SGTA: variants seen among roughly 807,000 people sequenced by gnomAD.
The protein encoded by SGTA is small glutamine rich tetratricopeptide repeat co-chaperone alpha.
In SGTA, 22 loss-of-function variants were observed where a neutral mutation model predicts 44.3. That is an observed-to-expected ratio of 0.50 (90% CI 0.36 to 0.71). The LOEUF (loss-of-function observed/expected upper bound fraction) is 0.71. Ranked by LOEUF, SGTA falls within the 30% of genes least tolerant of loss-of-function variation. The pLI is 0.00. For missense variants in SGTA, 341 were observed against 435.9 expected, an observed-to-expected ratio of 0.78 and a Z score of 1.94; for synonymous variants, 174 against 177.6, an observed-to-expected ratio of 0.98 and a Z score of 0.16.
chr19:2,759,575 C>CTG (rs1599496674), intron 8 of SGTA: 2 of 465,734 alleles, frequency 4.3e-6, no homozygotes, highest in East Asian at 7.5e-5. Context: ...TGCGGTTTTG[C>CTG]TGTGTGGAGG....
rs76251336 is a variant in SGTA at position 2,775,528 on chromosome 19, C to T, written c.-23-6437G>A. On this transcript the variant is annotated intron_variant, in intron 1 of 11. Transcript: ENST00000221566. Reference sequence around the variant, plus strand: ...TTTCCCTTTCAGGGAAAGCAACATCCATCAGCAATCATTAAAAAACAAAAC... The same window carrying T: ...TTTCCCTTTCAGGGAAAGCAACATCTATCAGCAATCATTAAAAAACAAAAC... Among the ~76,000 whole-genome samples, 618 of 152,348 alleles carry T rather than the reference C, an allele frequency of 4.1e-3. 8 individuals carry two copies. The highest frequency in any genetic ancestry group is 4.7e-3 in the Non-Finnish European group (323 of 68,050).
rs545275765 is a variant in SGTA, at chr19:2,766,072, C to T, written c.293-787G>A. On this transcript the variant is annotated intron_variant, in intron 4 of 11. Transcript: ENST00000221566. ...CTCTACTAGAAATACAAAAATTAGC[C>T]GGGCGTGGTGGTAGGCTTCTGTAGT... 3.9e-5 allele frequency among the ~76,000 whole-genome samples: 6 copies of T among 152,214 alleles called. No homozygotes were observed. The East Asian group carries it at 9.7e-4, about 25-fold the overall frequency.
chr19:2,774,533 G>A (rs1255871126), intron 1 of SGTA, among the ~76,000 whole-genome samples: 1 of 152,146 alleles, frequency 6.6e-6, no homozygotes, highest in African/African-American at 2.4e-5. Flanking sequence ...GAGACACGTA[G>A]GTTAACACCC....
chr19:2,774,342 A>T (rs1347585630), intron 1 of SGTA, among the ~76,000 whole-genome samples: 5 of 152,148 alleles, frequency 3.3e-5, no homozygotes, highest in Non-Finnish European at 7.4e-5. Flanking sequence ...CACGGAAGGG[A>T]GCAGTGAAGG....
intron 1 of SGTA, 66 bp from the exon 2 acceptor site, chr19:2,769,157 GC>G: frequency 1.1e-6 from 1 of 931,268 alleles, no homozygotes; most frequent in Non-Finnish European, 1.7e-6. Context: ...CCCCAGGCCT[GC>G]CCCTAACTAG....
In SGTA at chr19:2,765,334, G is replaced by A. The variant is rs756918988; in HGVS notation, c.293-49C>T. On this transcript the variant is annotated intron_variant, in intron 4 of 11. Coordinates refer to ENST00000221566, the MANE Select transcript of SGTA (RefSeq NM_003021.4). The surrounding 1 kb of genome is among the most constrained non-coding windows in gnomAD (Gnocchi z 5.5). ...GGCCCGGTGTCCACACAGACCGGAG[G>A]GGGTGTCAGGGAGAGAGGAAAACAC... 14 of 1,373,624 alleles carry A rather than the reference G, an allele frequency of 1.0e-5. No individual in the cohort carries two copies. The highest frequency in any genetic ancestry group is 2.0e-4 in the Middle Eastern group (1 of 4,926). 85.1% of individuals were successfully genotyped at this position (1,373,624 alleles called of 1,614,324 possible).
intron 4 of SGTA, among the ~76,000 whole-genome samples, chr19:2,766,126 G>A (rs1915136423): frequency 6.6e-6 from 1 of 152,178 alleles, no homozygotes; most frequent in African/African-American, 2.4e-5. Flanking sequence ...TGAGGCAGGA[G>A]AATTGCTTGA....
Position 2,768,973 on chromosome 19 carries a change from C to T in SGTA, c.96G>A (p.Leu32=), listed in dbSNP as rs1915224152. The change falls in exon 2 of 12, where the codon TTG becomes TTA. Residue 32 remains leucine, a synonymous_variant. Coordinates refer to ENST00000221566, the MANE Select transcript of SGTA (RefSeq NM_003021.4). ...AAGTGGCAGGCACCCACCTACCTTC[C>T]AAGCTCTCCTGAGCATCGGACGAGA... is the stretch of plus-strand genomic sequence containing the variant. ...GGLSSDAQES[L]EVAIQCLETA... 1.9e-6 allele frequency: 3 copies of T among 1,612,854 alleles called. No homozygotes were observed. Among genetic ancestry groups the T allele is most frequent in the African/African-American group, 2.7e-5 (2 of 75,070 alleles).
chr19:2,782,777 G>A (rs1915601304), intron 1 of SGTA: 1 of 152,240 alleles, frequency 6.6e-6, no homozygotes. Context: ...TTACAGAGGG[G>A]AAAACTGAGG....
At position 2,755,490 on chromosome 19, in the gene SGTA, T is replaced by C; in HGVS notation, c.*450A>G. The C allele has an allele frequency of 7.1e-6, 7 of 987,090 alleles. No individual in the cohort carries two copies. The highest frequency in any genetic ancestry group is 3.1e-4 in the Middle Eastern group (1 of 3,176). 61.1% of individuals were successfully genotyped at this position (987,090 alleles called of 1,614,324 possible). A position where few individuals can be genotyped will look rare whatever the true frequency, so the allele number is the denominator to read the frequency against. The stretch of plus-strand genomic sequence containing the variant: ...GGGCCGGGGTGGCCGGGAGGTCGAC[T>C]CGGAAAGAGGCTTCTCACAGACGGG... On this transcript the variant is annotated 3_prime_UTR_variant, in exon 12 of 12. Coordinates refer to ENST00000221566, the MANE Select transcript of SGTA (RefSeq NM_003021.4). The surrounding 1 kb of genome is among the most constrained non-coding windows in gnomAD (Gnocchi z 5.2).
intron 9 of SGTA, among the ~76,000 whole-genome samples, chr19:2,758,727 C>G (rs555148630): frequency 1.3e-5 from 2 of 152,310 alleles, no homozygotes; most frequent in East Asian, 3.9e-4. Flanking sequence ...AAGGTAGAAA[C>G]AGCCCAAATG....
chr19:2,774,084 C>G (rs1375412276), intron 1 of SGTA, among the ~76,000 whole-genome samples: 1 of 152,210 alleles, frequency 6.6e-6, no homozygotes, highest in African/African-American at 2.4e-5. Flanking sequence ...TCATGGACTT[C>G]CGGCCTCCAG....
intron 1 of SGTA, among the ~76,000 whole-genome samples, chr19:2,782,134 A>G (rs550475205): frequency 2.0e-3 from 303 of 152,226 alleles, no homozygotes; most frequent in African/African-American, 7.2e-3. Context: ...AAGCTGGATC[A>G]TTTTCTGGGG....
At position 2,765,851 on chromosome 19, in the gene SGTA, G is replaced by A. The variant is rs1239743308; in HGVS notation, c.293-566C>T. On this transcript the variant is annotated intron_variant, in intron 4 of 11. Coordinates refer to ENST00000221566, the MANE Select transcript of SGTA (RefSeq NM_003021.4). The surrounding 1 kb of genome is among the most constrained non-coding windows in gnomAD (Gnocchi z 5.5). ...ATCCCAATTCAGGAGGGCGTGGGGGGAAGATGGGTATCAGCGTGTGTTTCC... is the reference window on the plus strand; with the variant it reads ...ATCCCAATTCAGGAGGGCGTGGGGGAAAGATGGGTATCAGCGTGTGTTTCC... Among the ~76,000 whole-genome samples, 1 of 152,096 alleles carries A rather than the reference G, an allele frequency of 6.6e-6. No homozygotes were observed. Among genetic ancestry groups the A allele is most frequent in the Non-Finnish European group, 1.5e-5 (1 of 68,028 alleles).
chr19:2,759,539 C>T (rs761482909), intron 8 of SGTA: 23 of 528,520 alleles, frequency 4.4e-5, no homozygotes, highest in Non-Finnish European at 7.4e-5. Flanking sequence ...GATCTCGCAG[C>T]GCCACAGCGC....
intron 1 of SGTA, among the ~76,000 whole-genome samples, chr19:2,779,172 C>T (rs1280554200): frequency 6.6e-6 from 1 of 152,190 alleles, no homozygotes; most frequent in Non-Finnish European, 1.5e-5. Flanking sequence ...GAAGTCAGTA[C>T]AGGTCAGCTT....
chr19:2,764,840 T>G (rs923415865), intron 5 of SGTA, among the ~76,000 whole-genome samples: 2 of 152,140 alleles, frequency 1.3e-5, no homozygotes, highest in African/African-American at 4.8e-5. Context: ...GTGCTGGAAT[T>G]ACAGACGTGA....
rs562696762 is a variant in SGTA, at chr19:2,772,434, C to T, written c.-23-3343G>A. 9.8e-5 allele frequency among the ~76,000 whole-genome samples: 15 copies of T among 152,374 alleles called. No homozygotes were observed. The South Asian group carries it at 2.7e-3, about 27-fold the overall frequency. On this transcript the variant is annotated intron_variant, in intron 1 of 11. Transcript: ENST00000221566. Reference sequence around the variant, plus strand: ...CACGGCTCCTCCTTCTGAGCCAGCACAGTGCAAGGGGTCTCTGCCGCCAGG... The same window carrying T: ...CACGGCTCCTCCTTCTGAGCCAGCATAGTGCAAGGGGTCTCTGCCGCCAGG...
Position 2,757,724 on chromosome 19 carries a change from A to G in SGTA, c.796T>C (p.Ser266Pro). The change falls in exon 10 of 12, where the codon TCG (serine) becomes CCG (proline). Residue 266 changes from serine to proline, a missense_variant. By Grantham distance (74) the Ser-to-Pro change is moderately conservative. Transcript: ENST00000221566. ...ATGAGGCTGGCCAGGTCGTTCTGCG[A>G]GGGGCTGGTGCCGGGAGTTCCCAAG... ...NPLGTPGTSP[S>P]QNDLASLIQA... is the part of the protein sequence containing the mutation. The G allele has an allele frequency of 6.2e-7, 1 of 1,602,282 alleles. No individual in the cohort carries two copies.
Sources: gnomAD v4.1 joint callset for allele counts (sites outside exome capture counted in the v4.1 genomes callset) on GRCh38, gnomAD v4.1.1 for gene constraint, Gnocchi (gnomAD v3.1) non-coding constraint, MANE v1.5 for transcripts, NCBI Gene and HGNC (gene_info 2026-07-23, HGNC 2026-07-21) for gene names.